The following ATRN variants were observed in gnomAD, a reference collection of about 807,000 sequenced individuals.
ATRN encodes attractin.
In ATRN, 54 loss-of-function variants were observed where a neutral mutation model predicts 178.7. The observed-to-expected ratio is 0.30, with a 90% CI of 0.24 to 0.38. ATRN has a LOEUF of 0.38. Among genes scored for constraint, ATRN ranks in the 10% least tolerant of loss-of-function variants. The probability of loss-of-function intolerance (pLI) is 1.00; values close to 1 mark genes in which losing one functional copy is unlikely to be tolerated. For missense variants in ATRN, 1,443 were observed against 1,815.1 expected (o/e 0.79, Z 3.73); for synonymous variants, 636 against 663.0 (o/e 0.96, Z 0.63).
At chr20:3,634,239 C>T in intron 25 of ATRN, 72 bp from the exon 26 acceptor site, 3 of 1,449,782 alleles carry the variant, frequency 2.1e-6, no homozygotes, top group Non-Finnish European at 2.9e-6. Flanking sequence ...ACTGCCTGGC[C>T]TGAGGTGTGG....
chr20:3,650,763 T>C lies in ATRN; in HGVS notation c.*3916T>C, dbSNP rs557633041. The stretch of plus-strand genomic sequence containing the variant: ...CTAAACACTAGTGAAGCCTGTTTCG[T>C]TGAACTAATTCTGGCTCTGGAAATG... On this transcript the variant is annotated 3_prime_UTR_variant, in exon 29 of 29. Coordinates refer to ENST00000262919, the MANE Select transcript of ATRN (RefSeq NM_139321.3). 1 of 148,174 alleles carries C rather than the reference T, an allele frequency of 6.7e-6. No homozygotes were observed. The highest frequency in any genetic ancestry group is 2.4e-5 in the African/African-American group (1 of 40,852). The allele number at this position is 148,174 out of a possible 1,614,324, so 9.2% of individuals were successfully genotyped here.
intron 1 of ATRN, among the ~76,000 whole-genome samples, chr20:3,472,951 T>C (rs139283466): frequency 9.1e-4 from 138 of 152,306 alleles, no homozygotes; most frequent in African/African-American, 3.1e-3. Flanking sequence ...TAGGTAATAT[T>C]AGGTCTTCTG....
chr20:3,627,379 T>C (rs529411689), intron 25 of ATRN, among the ~76,000 whole-genome samples: 21 of 152,154 alleles, frequency 1.4e-4, no homozygotes, highest in African/African-American at 4.3e-4. Flanking sequence ...AAGCACATAT[T>C]AGAAAAGAAA....
chr20:3,547,521 C>A (rs1276856791), intron 5 of ATRN, 32 bp downstream of exon 5: 19 of 1,522,656 alleles, frequency 1.2e-5, no homozygotes, highest in Non-Finnish European at 1.7e-5. Context: ...ATTTTTTCTT[C>A]CATTTATAGA....
intron 1 of ATRN, among the ~76,000 whole-genome samples, chr20:3,534,456 T>TA (rs763484023): frequency 6.6e-6 from 1 of 152,128 alleles, no homozygotes; most frequent in Non-Finnish European, 1.5e-5. Context: ...TGGAACATCT[T>TA]AGATGTTGAT....
intron 25 of ATRN, among the ~76,000 whole-genome samples, chr20:3,627,652 G>A (rs537085134): frequency 2.4e-4 from 37 of 152,156 alleles, no homozygotes; most frequent in Admixed American, 9.2e-4. Flanking sequence ...TCCAAATCCC[G>A]CAGACGTTTT....
chr20:3,559,143 A>G (rs984574052), intron 6 of ATRN, among the ~76,000 whole-genome samples: 5 of 152,160 alleles, frequency 3.3e-5, no homozygotes. Flanking sequence ...GGTTTTCAGG[A>G]AGTGTTAGAA....
intron 1 of ATRN, among the ~76,000 whole-genome samples, chr20:3,508,515 C>T (rs757376965): frequency 6.6e-6 from 1 of 152,158 alleles, no homozygotes; most frequent in Non-Finnish European, 1.5e-5. Context: ...GCTACTAGTC[C>T]ACGGGCTGTA....
chr20:3,545,675 G>A (rs1259167510), intron 3 of ATRN, 87 bp from the exon 4 acceptor site: 1 of 1,524,946 alleles, frequency 6.6e-7, no homozygotes, highest in East Asian at 2.3e-5. Flanking sequence ...AAATTTTAAG[G>A]ACGGATTTGT....
rs1340084127 is a variant in ATRN at position 3,598,007 on chromosome 20, T to C, written c.3564+7T>C. ...TGTGGCTACTCCTGACGAAGTAAGATTTTTTAAAGTCTTCCTATTTTGTTT... is the reference window on the plus strand; with the variant it reads ...TGTGGCTACTCCTGACGAAGTAAGACTTTTTAAAGTCTTCCTATTTTGTTT... On this transcript the variant is annotated splice_region_variant and intron_variant, in intron 22 of 28. Coordinates refer to ENST00000262919, the MANE Select transcript of ATRN (RefSeq NM_139321.3). 6.4e-7 allele frequency: 1 copy of C among 1,563,850 alleles called. No individual in the cohort carries two copies. Among genetic ancestry groups the C allele is most frequent in the Admixed American group, 1.7e-5 (1 of 59,644 alleles).
intron 1 of ATRN, among the ~76,000 whole-genome samples, chr20:3,510,068 A>G (rs147991465): frequency 1.3e-5 from 2 of 152,332 alleles, no homozygotes; most frequent in East Asian, 3.9e-4. Flanking sequence ...TTTTCTGAGA[A>G]TAGTGATAGT....
At chr20:3,544,831 T>G (rs1310697585) in intron 3 of ATRN, among the ~76,000 whole-genome samples, 1 of 151,708 alleles carries the variant, frequency 6.6e-6, no homozygotes, top group East Asian at 1.9e-4. Flanking sequence ...GTAAGGTTTT[T>G]TTTTTTTTTT....
chr20:3,495,218 G>A (rs2084862105), intron 1 of ATRN, among the ~76,000 whole-genome samples: 1 of 152,152 alleles, frequency 6.6e-6, no homozygotes, highest in Admixed American at 6.5e-5. Flanking sequence ...TTGGAATGCA[G>A]AAATATTTTT....
chr20:3,606,267 A>C (rs1198726280), intron 24 of ATRN, among the ~76,000 whole-genome samples: 1 of 152,122 alleles, frequency 6.6e-6, no homozygotes, highest in African/African-American at 2.4e-5. Context: ...CCAGTGATGG[A>C]ATTTTTCAGT....
intron 1 of ATRN, among the ~76,000 whole-genome samples, chr20:3,500,814 T>G (rs2084952659): frequency 6.6e-6 from 1 of 151,846 alleles, no homozygotes; most frequent in Non-Finnish European, 1.5e-5. Flanking sequence ...TGTGCACATG[T>G]ACCCTAAAAC....
At chr20:3,592,576 A>C in intron 19 of ATRN, 1 of 741,648 alleles carries the variant, frequency 1.3e-6, no homozygotes, top group East Asian at 1.3e-4. Context: ...CTATAGTCGA[A>C]AGACTTTTCA....
At chr20:3,498,286 T>C (rs992043634) in intron 1 of ATRN, among the ~76,000 whole-genome samples, 1 of 152,180 alleles carries the variant, frequency 6.6e-6, no homozygotes, top group African/African-American at 2.4e-5. Context: ...CTTCTGAAAC[T>C]ATTCCAGTCA....
At chr20:3,589,666 T>C (rs2086411592) in intron 18 of ATRN, among the ~76,000 whole-genome samples, 1 of 86,486 alleles carries the variant, frequency 1.2e-5, no homozygotes, top group Non-Finnish European at 2.6e-5. Context: ...GATCTGTCAA[T>C]ATTGGTCAGT....
intron 26 of ATRN, among the ~76,000 whole-genome samples, chr20:3,634,722 G>A (rs1033170106): frequency 2.6e-5 from 4 of 152,212 alleles, no homozygotes; most frequent in African/African-American, 9.6e-5. Context: ...TATTAGCACA[G>A]CCACCGCGTG....
Sources: allele counts gnomAD v4.1 joint callset (sites outside exome capture counted in the v4.1 genomes callset), GRCh38; gene constraint gnomAD v4.1.1; transcripts MANE v1.5; gene names NCBI Gene and HGNC (gene_info 2026-07-23, HGNC 2026-07-21).